The following FLACC1 variants were observed in gnomAD, a reference collection of about 807,000 sequenced individuals.
The protein encoded by FLACC1 is flagellum associated containing coiled-coil domains 1.
FLACC1 carries 66 observed loss-of-function variants against 62.8 expected under a neutral mutation model. That is an observed-to-expected ratio of 1.05 (90% CI 0.86 to 1.29). The LOEUF (loss-of-function observed/expected upper bound fraction) is 1.29, where lower values mean the gene tolerates loss of function less well. FLACC1 is among the 50% of genes most tolerant of loss of function. The probability of loss-of-function intolerance (pLI) is 0.00; values close to 1 mark genes in which losing one functional copy is unlikely to be tolerated. For synonymous variants in FLACC1, 156 were observed against 161.0 expected (o/e 0.97, Z 0.24); for missense variants, 452 against 489.1 (o/e 0.92, Z 0.71).
At chr2:201,330,970 T>A (rs984127076) in intron 7 of FLACC1, 137 bp from the exon 8 acceptor site, 9 of 560,984 alleles carry the variant, frequency 1.6e-5, no homozygotes, top group African/African-American at 5.9e-5. Flanking sequence ...AATTTTTAAA[T>A]CTTTTTTTTT....
rs1459825446 is a variant in FLACC1 at position 201,309,255 on chromosome 2, G to A, written c.676-5C>T. On this transcript the variant is annotated splice_region_variant and splice_polypyrimidine_tract_variant and intron_variant, in intron 9 of 14. Transcript: ENST00000392257. ...CATTTCATCATAAATACTGTCCTGG[G>A]GAGGTACAAAGGCACCATGAAGAAA... The A allele has an allele frequency of 2.5e-6, 4 of 1,608,198 alleles. No homozygotes were observed. Among genetic ancestry groups the A allele is most frequent in the East Asian group, 2.2e-5 (1 of 44,846 alleles).
chr2:201,288,420 A>AAACTC lies in FLACC1; in HGVS notation c.*230_*234dup, dbSNP rs1184884160. 7.5e-6 allele frequency: 3 copies of AAACTC among 400,522 alleles called. No individual in the cohort carries two copies. The highest frequency in any genetic ancestry group is 1.3e-5 in the Non-Finnish European group (3 of 228,832). The allele number at this position is 400,522 out of a possible 1,614,324, so 24.8% of individuals were successfully genotyped here. A position where few individuals can be genotyped will look rare whatever the true frequency, so the allele number is the denominator to read the frequency against. Reference sequence around the variant, plus strand: ...GTCAAGGTAGAAGAAAAATAGTACAAAACTCAGAGAAAGCTCAGCTCCCAG... The same window carrying AAACTC: ...GTCAAGGTAGAAGAAAAATAGTACAAAACTCAACTCAGAGAAAGCTCAGCTCCCAG... On this transcript the variant is annotated 3_prime_UTR_variant, in exon 15 of 15. Transcript: ENST00000392257.
intron 9 of FLACC1, among the ~76,000 whole-genome samples, chr2:201,310,987 G>T (rs6760753): frequency 2.0e-5 from 3 of 151,874 alleles, no homozygotes; most frequent in Non-Finnish European, 4.4e-5. Flanking sequence ...AAATATAAAA[G>T]AACCTCAGAG....
chr2:201,303,496 G>C (rs1033110948), intron 11 of FLACC1, among the ~76,000 whole-genome samples: 2 of 152,186 alleles, frequency 1.3e-5, no homozygotes, highest in African/African-American at 2.4e-5. Context: ...AATTCTACCA[G>C]AGGTACAAGG....
Position 201,288,550 on chromosome 2 carries a change from C to T in FLACC1, c.*105G>A, listed in dbSNP as rs534781583. ...TCAGAGAGTCAGAGCAACCCAAGAA[C>T]TAAACTCATTATATGCATTTTCTCA... On this transcript the variant is annotated 3_prime_UTR_variant, in exon 15 of 15. Transcript: ENST00000392257. 5.7e-5 allele frequency: 81 copies of T among 1,409,740 alleles called. No individual in the cohort carries two copies. In the African/African-American group the frequency reaches 1.0e-3, roughly 18 times the overall value. 87.3% of individuals were successfully genotyped at this position (1,409,740 alleles called of 1,614,324 possible). A position where few individuals can be genotyped will look rare whatever the true frequency, so the allele number is the denominator to read the frequency against.
At chr2:201,356,158 TTTA>T (rs148218300) in intron 1 of FLACC1, among the ~76,000 whole-genome samples, 5 of 152,078 alleles carry the variant, frequency 3.3e-5, no homozygotes, top group African/African-American at 1.2e-4. Context: ...CAGTATTTTA[TTTA>T]TTATTATTAT....
Position 201,351,352 on chromosome 2 carries a change from C to G in FLACC1, c.53G>C (p.Gly18Ala). The change falls in exon 2 of 15, where the codon GGA (glycine) becomes GCA (alanine). Residue 18 changes from glycine to alanine, a missense_variant. Physicochemically the swap from Gly to Ala is moderately conservative, Grantham distance 60. Around this residue, in one of 3 missense-constraint regions of FLACC1, gnomAD observed 147 missense variants for 152.7 expected, o/e 0.96. Coordinates refer to ENST00000392257, the MANE Select transcript of FLACC1 (RefSeq NM_001127391.3). ...AGGGGTCTTGATTAGCTTCCGTGGT[C>G]CCAAGTTCCAGGGGTCCCAGCAGGT... ...YCTCWDPWNL[G>A]PRKLIKTPQL... 1.9e-6 allele frequency: 3 copies of G among 1,614,070 alleles called. No homozygotes were observed. Among genetic ancestry groups the G allele is most frequent in the Non-Finnish European group, 2.5e-6 (3 of 1,180,010 alleles).
At chr2:201,308,844 A>G (rs1461928812) in intron 10 of FLACC1, among the ~76,000 whole-genome samples, 1 of 152,228 alleles carries the variant, frequency 6.6e-6, no homozygotes, top group East Asian at 1.9e-4. Flanking sequence ...GTTTCTAGAT[A>G]ATAAGTCTGC....
Position 201,341,791 on chromosome 2 carries a change from T to C in FLACC1, c.524+579A>G, listed in dbSNP as rs569090343. Among the ~76,000 whole-genome samples the C allele has an allele frequency of 5.3e-5, 8 of 152,300 alleles. No individual in the cohort carries two copies. In the East Asian group the frequency reaches 9.6e-4, roughly 18 times the overall value. ...TTGTTCACCCTACATATTTGCAACA[T>C]TGTATGATTTGATCAATATCTCCCC... On this transcript the variant is annotated intron_variant, in intron 7 of 14. Transcript: ENST00000392257.
At position 201,288,707 on chromosome 2, in the gene FLACC1, T is replaced by C. The variant is rs767300802; in HGVS notation, c.1217A>G (p.Lys406Arg). ...ATCTTGCACAGTGTCAGAATCATCCTTAGAAACAGTAATAGAGGCCAATCT... is the reference window on the plus strand; with the variant it reads ...ATCTTGCACAGTGTCAGAATCATCCCTAGAAACAGTAATAGAGGCCAATCT... Reference protein sequence around the residue: ...SGRLASITVSKDDSDTVQDGS... With the variant: ...SGRLASITVSRDDSDTVQDGS... Residue 406 changes from lysine to arginine, a missense_variant, in exon 15 of 15, where the codon AAG becomes AGG. Around this residue, in one of 3 missense-constraint regions of FLACC1, gnomAD observed 301 missense variants for 318.4 expected, o/e 0.95. Coordinates refer to ENST00000392257, the MANE Select transcript of FLACC1 (RefSeq NM_001127391.3). 2.5e-6 allele frequency: 4 copies of C among 1,614,122 alleles called. No homozygotes were observed. In the South Asian group the frequency reaches 4.4e-5, roughly 18 times the overall value.
chr2:201,322,432 A>G (rs1242756810), intron 9 of FLACC1, among the ~76,000 whole-genome samples: 1 of 152,142 alleles, frequency 6.6e-6, no homozygotes, highest in East Asian at 1.9e-4. Context: ...CATCTAAGAA[A>G]GCCACATAAA....
chr2:201,310,153 CGCTGACT>C (rs1285794121), intron 9 of FLACC1, among the ~76,000 whole-genome samples: 1 of 152,026 alleles, frequency 6.6e-6, no homozygotes, highest in Non-Finnish European at 1.5e-5. Flanking sequence ...GGTCCAAGGA[CGCTGACT>C]GCCTTATTTT....
chr2:201,333,180 G>C (rs1950627872), intron 7 of FLACC1, among the ~76,000 whole-genome samples: 1 of 152,094 alleles, frequency 6.6e-6, no homozygotes. Context: ...CTAACACTTT[G>C]TAAGTGTTCC....
chr2:201,359,536 A>T (rs1202566795), upstream of FLACC1, among the ~76,000 whole-genome samples: 1 of 152,264 alleles, frequency 6.6e-6, no homozygotes, highest in Non-Finnish European at 1.5e-5. Flanking sequence ...AGTGTGGGCC[A>T]TGTGTAGTTA....
At chr2:201,362,227 A>G (rs1576492994), upstream of FLACC1, among the ~76,000 whole-genome samples, 1 of 152,370 alleles carries the variant, frequency 6.6e-6, no homozygotes, top group East Asian at 1.9e-4. Context: ...ACAATTAAAG[A>G]TGATGAGAAT....
rs148727056 is a variant in FLACC1 at position 201,342,432 on chromosome 2, C to G, written c.463-1G>C. On this transcript the variant is annotated splice_acceptor_variant, in intron 6 of 14. Coordinates refer to ENST00000392257, the MANE Select transcript of FLACC1 (RefSeq NM_001127391.3). LOFTEE classifies it high-confidence loss of function. ...AGCGGAGATCCATTTCACTGGAGAG[C>G]TGGAAACAAAATCAGCATCTACAAC... 5.0e-6 allele frequency: 8 copies of G among 1,614,068 alleles called. No homozygotes were observed.
chr2:201,302,225 G>A (rs1028753755), intron 11 of FLACC1, among the ~76,000 whole-genome samples: 1 of 152,122 alleles, frequency 6.6e-6, no homozygotes, highest in African/African-American at 2.4e-5. Context: ...AAAATAAAAG[G>A]ATGGAGTAAG....
rs1307955606 is a variant in FLACC1 at position 201,296,439 on chromosome 2, G to A, written c.942+2799C>T. ...AAAAAACCAAACACCACATGTTCTT[G>A]CTCAGAGGTGGGAATTGAACAATGA... On this transcript the variant is annotated intron_variant, in intron 12 of 14. Coordinates refer to ENST00000392257, the MANE Select transcript of FLACC1 (RefSeq NM_001127391.3). Among the ~76,000 whole-genome samples the A allele has an allele frequency of 4.7e-5, 7 of 147,548 alleles. No individual in the cohort carries two copies. The East Asian group carries it at 1.2e-3, about 25-fold the overall frequency.
intron 1 of FLACC1, among the ~76,000 whole-genome samples, chr2:201,355,096 C>T (rs1027685588): frequency 6.6e-6 from 1 of 152,040 alleles, no homozygotes; most frequent in Admixed American, 6.6e-5. Context: ...ACCAGCCTAG[C>T]CAACAGGGCG....
Sources: allele counts gnomAD v4.1 joint callset (sites outside exome capture counted in the v4.1 genomes callset), GRCh38; gene constraint gnomAD v4.1.1; regional missense constraint gnomAD v4.1.1; transcripts MANE v1.5; gene names NCBI Gene and HGNC (gene_info 2026-07-23, HGNC 2026-07-21).